The following PRR16 variants were observed in gnomAD, a reference collection of about 807,000 sequenced individuals.
PRR16 encodes the protein proline rich 16.
PRR16 carries 6 observed loss-of-function variants against 18.2 expected under a neutral mutation model. That is an observed-to-expected ratio of 0.33 (90% CI 0.18 to 0.65). The LOEUF (loss-of-function observed/expected upper bound fraction) is 0.65, where lower values mean the gene tolerates loss of function less well. PRR16 is among the 30% of genes least tolerant of loss of function. The pLI is 0.74. For missense variants in PRR16, 412 were observed against 376.6 expected (o/e 1.09, Z -0.78); for synonymous variants, 151 against 147.8 (o/e 1.02, Z -0.16).
At chr5:120,669,114 A>T (rs973075352) in intron 1 of PRR16, among the ~76,000 whole-genome samples, 10 of 152,140 alleles carry the variant, frequency 6.6e-5, no homozygotes, top group African/African-American at 1.7e-4. Context: ...TGAGTCTTTT[A>T]AGCAAACAGT....
At chr5:120,679,014 T>G (rs924180846) in intron 1 of PRR16, among the ~76,000 whole-genome samples, 16 of 152,196 alleles carry the variant, frequency 1.1e-4, no homozygotes, top group African/African-American at 3.9e-4. Flanking sequence ...ATTGAAATAT[T>G]GAAATATTGA....
chr5:120,565,194 T>C (rs1460651999), intron 1 of PRR16, among the ~76,000 whole-genome samples: 2 of 152,200 alleles, frequency 1.3e-5, no homozygotes, highest in East Asian at 3.9e-4. Context: ...AGCACTTTCA[T>C]GTTTTGGGGA....
chr5:120,606,423 C>T (rs1200591180), intron 1 of PRR16, among the ~76,000 whole-genome samples: 1 of 152,048 alleles, frequency 6.6e-6, no homozygotes, highest in Non-Finnish European at 1.5e-5. Flanking sequence ...TTATCACCTG[C>T]ATTTTTATAT....
At chr5:120,519,120 T>A (rs142313246) in intron 1 of PRR16, among the ~76,000 whole-genome samples, 22 of 152,110 alleles carry the variant, frequency 1.4e-4, no homozygotes, top group Middle Eastern at 3.4e-3. Flanking sequence ...TATTTCCCAA[T>A]AGATCATTGA....
intron 1 of PRR16, among the ~76,000 whole-genome samples, chr5:120,540,151 A>G (rs1751863945): frequency 6.6e-6 from 1 of 152,030 alleles, no homozygotes; most frequent in Non-Finnish European, 1.5e-5. Context: ...TATTTTATTT[A>G]TTTATTTTTT....
the PRR16 span, among the ~76,000 whole-genome samples, chr5:120,722,032 C>T: frequency 6.6e-6 from 1 of 152,014 alleles, no homozygotes; most frequent in African/African-American, 2.4e-5. Flanking sequence ...TAGCCCCCTA[C>T]CTGCCAACAG....
At chr5:120,540,963 G>T (rs1751894102) in intron 1 of PRR16, among the ~76,000 whole-genome samples, 1 of 152,200 alleles carries the variant, frequency 6.6e-6, no homozygotes, top group African/African-American at 2.4e-5. Flanking sequence ...ACCTGGAACA[G>T]TGCCATGAGC....
the PRR16 span, among the ~76,000 whole-genome samples, chr5:120,705,492 A>G: frequency 2.0e-5 from 3 of 152,108 alleles, no homozygotes; most frequent in African/African-American, 7.2e-5. Flanking sequence ...AGTGTTCAGG[A>G]AAATGATATT....
chr5:120,731,201 T>C, the PRR16 span, among the ~76,000 whole-genome samples: 1 of 152,168 alleles, frequency 6.6e-6, no homozygotes, highest in South Asian at 2.1e-4. Flanking sequence ...AATAGAGATA[T>C]ATGTGGACAG....
At chr5:120,725,623 G>A in the PRR16 span, among the ~76,000 whole-genome samples, 10 of 152,076 alleles carry the variant, frequency 6.6e-5, no homozygotes, top group Non-Finnish European at 1.2e-4. Context: ...GTTAAAGTGA[G>A]CTATAATCAT....
At chr5:120,534,354 T>C (rs576168029) in intron 1 of PRR16, among the ~76,000 whole-genome samples, 3 of 152,278 alleles carry the variant, frequency 2.0e-5, no homozygotes, top group Admixed American at 2.0e-4. Context: ...TTTTTCCTTT[T>C]ATCTGTTACA....
intron 1 of PRR16, among the ~76,000 whole-genome samples, chr5:120,666,282 T>C (rs1039544262): frequency 1.3e-5 from 2 of 152,256 alleles, no homozygotes; most frequent in African/African-American, 4.8e-5. Context: ...TGTATAAGAA[T>C]GCTTGTGATT....
the PRR16 span, among the ~76,000 whole-genome samples, chr5:120,748,090 A>C: frequency 6.6e-6 from 1 of 152,096 alleles, no homozygotes; most frequent in East Asian, 1.9e-4. Flanking sequence ...CCCTCTGACA[A>C]TATATTATTG....
At chr5:120,516,632 T>TTA (rs1431652875) in intron 1 of PRR16, among the ~76,000 whole-genome samples, 2 of 152,054 alleles carry the variant, frequency 1.3e-5, no homozygotes, top group Non-Finnish European at 2.9e-5. Flanking sequence ...ATGGACGCTT[T>TTA]TATATATTTT....
At chr5:120,621,430 C>T (rs1454658557) in intron 1 of PRR16, among the ~76,000 whole-genome samples, 1 of 152,076 alleles carries the variant, frequency 6.6e-6, no homozygotes, top group Non-Finnish European at 1.5e-5. Context: ...TCAGCCAGAG[C>T]TAATCTCGTC....
chr5:120,503,621 T>G (rs2112846541), intron 1 of PRR16, among the ~76,000 whole-genome samples: 1 of 152,260 alleles, frequency 6.6e-6, no homozygotes, highest in Admixed American at 6.5e-5. Flanking sequence ...TGCATAATAA[T>G]CCAGCTGTTG....
intron 1 of PRR16, among the ~76,000 whole-genome samples, chr5:120,634,920 T>A (rs185712438): frequency 1.8e-4 from 28 of 151,678 alleles, no homozygotes; most frequent in African/African-American, 6.5e-4. Context: ...CAATTAGAAA[T>A]GAGAACAGGA....
the PRR16 span, among the ~76,000 whole-genome samples, chr5:120,734,418 G>C: frequency 2.0e-5 from 3 of 152,184 alleles, no homozygotes; most frequent in East Asian, 3.9e-4. Context: ...CTTTTCACTA[G>C]GAAGGAAAGC....
At chr5:120,546,193 G>A (rs1752068742) in intron 1 of PRR16, among the ~76,000 whole-genome samples, 2 of 152,040 alleles carry the variant, frequency 1.3e-5, no homozygotes, top group South Asian at 4.1e-4. Flanking sequence ...GTGTAACAAA[G>A]ATCTACTCAC....
Sources: allele counts gnomAD v4.1 joint callset (sites outside exome capture counted in the v4.1 genomes callset), GRCh38; gene constraint gnomAD v4.1.1; transcripts MANE v1.5; gene names NCBI Gene and HGNC (gene_info 2026-07-23, HGNC 2026-07-21).